SLC9A7: variants seen among roughly 807,000 people sequenced by gnomAD.
The protein encoded by SLC9A7 is sodium/hydrogen exchanger 7.
Under a neutral mutation model 52.6 loss-of-function variants are expected in SLC9A7, and 19 were observed. The observed-to-expected ratio is 0.36, with a 90% confidence interval of 0.25 to 0.53. The LOEUF (loss-of-function observed/expected upper bound fraction) is 0.53, where lower values mean the gene tolerates loss of function less well. Among genes scored for constraint, SLC9A7 ranks in the 20% least tolerant of loss-of-function variants. The probability of loss-of-function intolerance (pLI) is 0.91; values close to 1 mark genes in which losing one functional copy is unlikely to be tolerated. For synonymous variants in SLC9A7, 226 were observed against 252.1 expected, an observed-to-expected ratio of 0.90 and a Z score of 0.98; for missense variants, 455 against 597.9, an observed-to-expected ratio of 0.76 and a Z score of 2.49.
At chrX:46,607,961 A>T (rs1413711171) in intron 16 of SLC9A7, among the ~76,000 whole-genome samples, 1 of 112,321 alleles carries the variant, frequency 8.9e-6, no homozygotes, top group Non-Finnish European at 1.9e-5. Context: ...TGCCTTCTAG[A>T]AGGGCAAACA....
At chrX:46,658,899 A>T (rs1943757195) in intron 7 of SLC9A7, among the ~76,000 whole-genome samples, 1 of 110,819 alleles carries the variant, frequency 9.0e-6, no homozygotes, top group Non-Finnish European at 1.9e-5. Context: ...CTGATACCAA[A>T]GCTGGGCAGA....
chrX:46,758,636 C>A, intron 1 of SLC9A7, 69 bp downstream of exon 1: 1 of 732,628 alleles, frequency 1.4e-6, no homozygotes, highest in Non-Finnish European at 1.9e-6. Context: ...GGGGGAGCAC[C>A]GCGCGGCGCC....
chrX:46,640,314 T>C (rs908247785), intron 12 of SLC9A7, among the ~76,000 whole-genome samples: 9 of 112,327 alleles, frequency 8.0e-5, no homozygotes, highest in Non-Finnish European at 1.3e-4. Flanking sequence ...AGTAGGATAG[T>C]CTTTTTAACA....
intron 12 of SLC9A7, among the ~76,000 whole-genome samples, chrX:46,640,085 A>G (rs1179659420): frequency 8.9e-6 from 1 of 112,139 alleles, no homozygotes; most frequent in Non-Finnish European, 1.9e-5. Context: ...TTACATGTAG[A>G]CAAATTTATT....
At chrX:46,624,211 C>T (rs1026661000) in intron 14 of SLC9A7, among the ~76,000 whole-genome samples, 3 of 83,961 alleles carry the variant, frequency 3.6e-5, no homozygotes, top group African/African-American at 1.7e-4. Flanking sequence ...AGCAAATTAT[C>T]GAACCTGAGG....
intron 1 of SLC9A7, among the ~76,000 whole-genome samples, chrX:46,693,189 A>G (rs903262544): frequency 2.7e-5 from 3 of 112,130 alleles, no homozygotes; most frequent in Non-Finnish European, 5.6e-5. Context: ...TGCTCTACAG[A>G]CTTAATGCAA....
chrX:46,665,263 G>C (rs1406185725), intron 5 of SLC9A7, among the ~76,000 whole-genome samples: 1 of 111,386 alleles, frequency 9.0e-6, no homozygotes, highest in Non-Finnish European at 1.9e-5. Context: ...ACTGGGTACA[G>C]GCAGTGGGAA....
intron 7 of SLC9A7, among the ~76,000 whole-genome samples, chrX:46,660,935 G>A (rs1229772204): frequency 8.3e-5 from 9 of 108,373 alleles, no homozygotes; most frequent in African/African-American, 2.0e-4. Flanking sequence ...TGTTTATTGC[G>A]GCATTATTCA....
At chrX:46,673,218 G>T (rs1944053990) in intron 3 of SLC9A7, among the ~76,000 whole-genome samples, 1 of 111,669 alleles carries the variant, frequency 9.0e-6, no homozygotes, top group Admixed American at 9.6e-5. Context: ...ATGAGAAACA[G>T]ATAGTTCCAT....
rs1316167312 is a variant in SLC9A7 at position 46,599,927 on chromosome X, C to CTATT, written c.*7021_*7024dup. 1 of 112,051 alleles carries CTATT rather than the reference C, an allele frequency of 8.9e-6. No individual in the cohort carries two copies. Among genetic ancestry groups the CTATT allele is most frequent in the African/African-American group, 3.2e-5 (1 of 30,837 alleles). The allele number at this position is 112,051 out of a possible 1,213,427, so 9.2% of individuals were successfully genotyped here. Reference sequence around the variant, plus strand: ...TTCTATTTTAAAAGTTGCTTTTCAGCTATTAAATGAATCTTTATGGCCTTC... The same window carrying CTATT: ...TTCTATTTTAAAAGTTGCTTTTCAGCTATTTATTAAATGAATCTTTATGGCCTTC... On this transcript the variant is annotated 3_prime_UTR_variant, in exon 17 of 17. Coordinates refer to ENST00000616978, the MANE Select transcript of SLC9A7 (RefSeq NM_001257291.2).
intron 1 of SLC9A7, among the ~76,000 whole-genome samples, chrX:46,703,954 T>A (rs752909714): frequency 1.6e-4 from 18 of 112,171 alleles, no homozygotes; most frequent in African/African-American, 5.8e-4. Flanking sequence ...AGGACTTAAC[T>A]GTCACTGTTG....
chrX:46,758,367 C>A lies in SLC9A7; in HGVS notation c.325+338G>T, dbSNP rs1304549218. Among the ~76,000 whole-genome samples the A allele has an allele frequency of 5.4e-5, 6 of 112,028 alleles. No homozygotes were observed. The East Asian group carries it at 1.7e-3, about 32-fold the overall frequency. On this transcript the variant is annotated intron_variant, in intron 1 of 16. Coordinates refer to ENST00000616978, the MANE Select transcript of SLC9A7 (RefSeq NM_001257291.2). ...AAGCCACCCACCTCCAGCCACCACG[C>A]AGGCACACACACCCTATCGAGCTCA... is the stretch of plus-strand genomic sequence containing the variant.
chrX:46,651,257 T>C (rs193120237), intron 9 of SLC9A7, 34 bp from the exon 10 acceptor site: 2 of 1,167,750 alleles, frequency 1.7e-6, no homozygotes, highest in African/African-American at 3.6e-5. Flanking sequence ...GCTGTAACCC[T>C]GCAGTTCCCC....
chrX:46,656,050 G>T (rs1349658025), intron 7 of SLC9A7, among the ~76,000 whole-genome samples: 1 of 111,122 alleles, frequency 9.0e-6, no homozygotes, highest in African/African-American at 3.3e-5. Context: ...GCCTCCTCAA[G>T]TGGGTCCCTG....
At chrX:46,631,670 A>C in intron 13 of SLC9A7, 21 bp from the exon 14 acceptor site, 1 of 1,181,277 alleles carries the variant, frequency 8.5e-7, no homozygotes, top group South Asian at 1.8e-5. Context: ...CCAGGGAGAA[A>C]GACAAAGAGA....
At chrX:46,714,555 T>G (rs1944740278) in intron 1 of SLC9A7, among the ~76,000 whole-genome samples, 2 of 111,631 alleles carry the variant, frequency 1.8e-5, no homozygotes, top group African/African-American at 6.5e-5. Context: ...ATTGCCTCCA[T>G]ACTTATGGAC....
intron 1 of SLC9A7, among the ~76,000 whole-genome samples, chrX:46,743,766 T>C (rs1411589742): frequency 9.0e-6 from 1 of 111,408 alleles, no homozygotes; most frequent in Non-Finnish European, 1.9e-5. Context: ...ACACTTTAAA[T>C]CTGAATCTTT....
chrX:46,699,875 G>T (rs932713175), intron 1 of SLC9A7, among the ~76,000 whole-genome samples: 1 of 111,354 alleles, frequency 9.0e-6, no homozygotes, highest in African/African-American at 3.3e-5. Context: ...CAACACTTTG[G>T]GAGGCTGAGG....
chrX:46,744,712 T>C (rs1921607887), intron 1 of SLC9A7, among the ~76,000 whole-genome samples: 1 of 112,058 alleles, frequency 8.9e-6, no homozygotes, highest in Admixed American at 9.5e-5. Context: ...AACACTGTTC[T>C]TCCCCAAAGG....
Sources: gnomAD v4.1 joint callset for allele counts (sites outside exome capture counted in the v4.1 genomes callset) on GRCh38, gnomAD v4.1.1 for gene constraint, MANE v1.5 for transcripts, NCBI Gene and HGNC (gene_info 2026-07-23, HGNC 2026-07-21) for gene names.